Variants in RGMA observed in about 807,000 individuals in gnomAD.
RGMA encodes repulsive guidance molecule BMP co-receptor a.
A neutral mutation model predicts 23.2 loss-of-function variants in RGMA; 10 were observed. The ratio of observed to expected loss-of-function variants is 0.43; its 90% CI spans 0.27 to 0.73. The LOEUF (loss-of-function observed/expected upper bound fraction) is 0.73. Ranked by LOEUF, RGMA falls within the 30% of genes least tolerant of loss-of-function variation. The pLI is 0.20. For missense variants in RGMA, 547 were observed against 630.5 expected (o/e 0.87, Z 1.42); for synonymous variants, 308 against 279.3 (o/e 1.10, Z -1.03).
intron 1 of RGMA, chr15:93,088,245 A>AAT: frequency 7.7e-6 from 4 of 521,764 alleles, no homozygotes; most frequent in Non-Finnish European, 9.8e-6. Flanking sequence ...CCGCCCTCCC[A>AAT]TTGAATACAC....
rs929006476 is a variant in RGMA at position 93,037,921 on chromosome 15, G to T, written c.*7077C>A. The T allele has an allele frequency of 6.6e-6, 1 of 152,244 alleles. No homozygotes were observed. Among genetic ancestry groups the T allele is most frequent in the Non-Finnish European group, 1.5e-5 (1 of 68,080 alleles). The allele number at this position is 152,244 out of a possible 1,614,324, so 9.4% of individuals were successfully genotyped here. A position where few individuals can be genotyped will look rare whatever the true frequency, so the allele number is the denominator to read the frequency against. On this transcript the variant is annotated 3_prime_UTR_variant, in exon 4 of 4. Transcript: ENST00000329082. This position sits in a 1 kb window ranked among gnomAD's most constrained non-coding sequence, Gnocchi z 4.3. ...TGCCTGGGATCACAGCCCTCATTCC[G>T]GAACGCCACTGACATTACGAGCGTG... is the stretch of plus-strand genomic sequence containing the variant.
At position 93,038,569 on chromosome 15, in the gene RGMA, G is replaced by GTTGTTTTTTTTTTTTTTTTTTTTTTTTTT. The variant is rs1471553159; in HGVS notation, c.*6428_*6429insAAAAAAAAAAAAAAAAAAAAAAAAAACAA. 1.0e-5 allele frequency: 1 copy of GTTGTTTTTTTTTTTTTTTTTTTTTTTTTT among 100,224 alleles called. No individual in the cohort carries two copies. Among genetic ancestry groups the GTTGTTTTTTTTTTTTTTTTTTTTTTTTTT allele is most frequent in the Non-Finnish European group, 2.3e-5 (1 of 42,826 alleles). The allele number at this position is 100,224 out of a possible 1,614,324, so 6.2% of individuals were successfully genotyped here. A position where few individuals can be genotyped will look rare whatever the true frequency, so the allele number is the denominator to read the frequency against. ...GCCTTAATGAACGAAACTGTTAGTT[G>GTTGTTTTTTTTTTTTTTTTTTTTTTTTTT]TTTTTTTTTTTTTTTTGAGACGGTG... On this transcript the variant is annotated 3_prime_UTR_variant, in exon 4 of 4. Coordinates refer to ENST00000329082, the MANE Select transcript of RGMA (RefSeq NM_020211.3).
chr15:93,041,717 G>A lies in RGMA; in HGVS notation c.*3281C>T, dbSNP rs2054726119. The A allele has an allele frequency of 6.6e-6, 1 of 152,196 alleles. No homozygotes were observed. The highest frequency in any genetic ancestry group is 2.4e-5 in the African/African-American group (1 of 41,416). 9.4% of individuals were successfully genotyped at this position (152,196 alleles called of 1,614,324 possible). ...TGCCTCCCTGAGTCGCTCTGTCCCTGGGACTGCTAAGGGCACGGGGCCTGT... is the reference window on the plus strand; with the variant it reads ...TGCCTCCCTGAGTCGCTCTGTCCCTAGGACTGCTAAGGGCACGGGGCCTGT... On this transcript the variant is annotated 3_prime_UTR_variant, in exon 4 of 4. Coordinates refer to ENST00000329082, the MANE Select transcript of RGMA (RefSeq NM_020211.3).
intron 1 of RGMA, chr15:93,073,763 T>C: frequency 6.5e-7 from 1 of 1,537,134 alleles, no homozygotes; most frequent in Non-Finnish European, 8.7e-7. Context: ...CCATCCTGAC[T>C]GGGTTTGGCC....
At chr15:93,056,067 C>T (rs549802028) in intron 2 of RGMA, among the ~76,000 whole-genome samples, 6 of 152,306 alleles carry the variant, frequency 3.9e-5, no homozygotes, top group East Asian at 3.9e-4. Flanking sequence ...GGACCCAGCT[C>T]GGCAGGCCCC....
chr15:93,073,053 AAAG>A (rs1207121714), intron 1 of RGMA, 22 bp from the exon 2 acceptor site: 2 of 1,442,134 alleles, frequency 1.4e-6, no homozygotes, highest in Non-Finnish European at 1.8e-6. Flanking sequence ...GTTCAGAAAA[AAAG>A]AAGAAAATAA....
chr15:93,067,041 A>C (rs1344322886), intron 2 of RGMA, among the ~76,000 whole-genome samples: 1 of 152,254 alleles, frequency 6.6e-6, no homozygotes, highest in Non-Finnish European at 1.5e-5. Flanking sequence ...CTCAACCAAA[A>C]GAGCTTTAAA....
At position 93,040,068 on chromosome 15, in the gene RGMA, G is replaced by A. The variant is rs1376604499; in HGVS notation, c.*4930C>T. ...CCAAAAAAATTTAACAATTAGCCGG[G>A]TGTGACGGCAGGCACCTGTAATCCC... On this transcript the variant is annotated 3_prime_UTR_variant, in exon 4 of 4. Coordinates refer to ENST00000329082, the MANE Select transcript of RGMA (RefSeq NM_020211.3). 6.6e-6 allele frequency: 1 copy of A among 152,212 alleles called. No individual in the cohort carries two copies. The highest frequency in any genetic ancestry group is 1.5e-5 in the Non-Finnish European group (1 of 68,046). 9.4% of individuals were successfully genotyped at this position (152,212 alleles called of 1,614,324 possible). A position where few individuals can be genotyped will look rare whatever the true frequency, so the allele number is the denominator to read the frequency against.
chr15:93,054,321 G>A (rs1392342171), intron 2 of RGMA, among the ~76,000 whole-genome samples: 1 of 152,052 alleles, frequency 6.6e-6, no homozygotes, highest in Non-Finnish European at 1.5e-5. Context: ...AAAGGGTCAG[G>A]TTAGGTAAAT....
chr15:93,063,891 A>T (rs546431348), intron 2 of RGMA, among the ~76,000 whole-genome samples: 1 of 152,272 alleles, frequency 6.6e-6, no homozygotes, highest in South Asian at 2.1e-4. Context: ...CAGCCACGTG[A>T]GCATGGGCAA....
At chr15:93,087,045 CAT>C (rs1023969969) in intron 1 of RGMA, among the ~76,000 whole-genome samples, 26 of 152,188 alleles carry the variant, frequency 1.7e-4, no homozygotes, top group African/African-American at 6.3e-4. Context: ...CCCACCATTT[CAT>C]ATGTCTATTG....
At chr15:93,054,030 G>A (rs959194630) in intron 2 of RGMA, among the ~76,000 whole-genome samples, 5 of 152,070 alleles carry the variant, frequency 3.3e-5, no homozygotes, top group Non-Finnish European at 7.4e-5. Flanking sequence ...TGGAGCTCGA[G>A]ACCAGCCTGG....
At chr15:93,073,714 C>G in intron 1 of RGMA, 2 of 1,537,242 alleles carry the variant, frequency 1.3e-6, no homozygotes, top group South Asian at 1.2e-5. Flanking sequence ...CAGCTACTAA[C>G]GCACCTCGAG....
intron 1 of RGMA, among the ~76,000 whole-genome samples, chr15:93,087,597 G>A (rs911411072): frequency 5.3e-5 from 8 of 151,974 alleles, no homozygotes; most frequent in African/African-American, 1.9e-4. Flanking sequence ...TTTTCTAGGG[G>A]TCATGGCTCA....
chr15:93,085,688 T>C (rs141117599), intron 1 of RGMA, among the ~76,000 whole-genome samples: 488 of 152,348 alleles, frequency 3.2e-3, no homozygotes, highest in Non-Finnish European at 4.4e-3. Context: ...ATAAAAGACA[T>C]TTGCATTTAT....
At position 93,037,367 on chromosome 15, in the gene RGMA, G is replaced by A; in HGVS notation, c.*7631C>T. The A allele has an allele frequency of 6.6e-6, 1 of 152,344 alleles. No individual in the cohort carries two copies. Among genetic ancestry groups the A allele is most frequent in the South Asian group, 2.1e-4 (1 of 4,788 alleles). 9.4% of individuals were successfully genotyped at this position (152,344 alleles called of 1,614,324 possible). On this transcript the variant is annotated 3_prime_UTR_variant, in exon 4 of 4. Transcript: ENST00000329082. The surrounding 1 kb of genome is among the most constrained non-coding windows in gnomAD (Gnocchi z 4.3). ...TGGGTGTGTCTGTGCCCATGCCACT[G>A]TCCATCCCTGGCCATCCAGGCCCGT...
intron 2 of RGMA, among the ~76,000 whole-genome samples, chr15:93,052,733 G>C (rs981615573): frequency 6.8e-6 from 1 of 147,780 alleles, no homozygotes; most frequent in Non-Finnish European, 1.5e-5. Flanking sequence ...CAGGCTGAAA[G>C]GGCTAGTGGG....
At chr15:93,074,470 A>G (rs1895435715) in intron 1 of RGMA, among the ~76,000 whole-genome samples, 1 of 152,200 alleles carries the variant, frequency 6.6e-6, no homozygotes, top group African/African-American at 2.4e-5. Context: ...ACAGGTACAC[A>G]AGGGGACCAT....
intron 2 of RGMA, among the ~76,000 whole-genome samples, chr15:93,053,320 C>A (rs1475374958): frequency 6.6e-6 from 1 of 152,216 alleles, no homozygotes; most frequent in Admixed American, 6.5e-5. Context: ...CCTTTTCTGG[C>A]CTTCCTCTGC....
Sources: gnomAD v4.1 joint callset for allele counts (sites outside exome capture counted in the v4.1 genomes callset) on GRCh38, gnomAD v4.1.1 for gene constraint, Gnocchi (gnomAD v3.1) non-coding constraint, MANE v1.5 for transcripts, NCBI Gene and HGNC (gene_info 2026-07-23, HGNC 2026-07-21) for gene names.